Variants in OR5M8 observed in about 807,000 individuals in gnomAD.
OR5M8 encodes olfactory receptor 5M8.
For synonymous variants in OR5M8, 163 were observed against 141.5 expected (o/e 1.15, Z -1.08); for missense variants, 445 against 379.3 (o/e 1.17, Z -1.44).
chr11:56,490,502 C>T lies in OR5M8; in HGVS notation c.869G>A (p.Ser290Asn). 1 of 1,590,058 alleles carries T rather than the reference C, an allele frequency of 6.3e-7. No individual in the cohort carries two copies. Among genetic ancestry groups the T allele is most frequent in the Non-Finnish European group, 8.6e-7 (1 of 1,158,638 alleles). The stretch of plus-strand genomic sequence containing the variant: ...TTCTTTTACATTTTTATTTCTAAGG[C>T]TATAAATTATAAGGTTCAGCATAGG... ...VIPMLNLIIY[S>N]LRNKNVKEAL... The change falls in exon 1 of 1, where the codon AGC becomes AAC. Residue 290 changes from serine (S) to asparagine (N), a missense_variant. Ser to Asn is a conservative substitution (Grantham distance 46). Transcript: ENST00000327216.
Position 56,491,289 on chromosome 11 carries a change from T to A in OR5M8, c.82A>T (p.Thr28Ser). The A allele has an allele frequency of 1.2e-6, 2 of 1,613,878 alleles. No individual in the cohort carries two copies. Among genetic ancestry groups the A allele is most frequent in the Non-Finnish European group, 1.7e-6 (2 of 1,179,952 alleles). ...SRRELQILLF[T>S]LFLAIYMVTV... ...ACCATGTAAATGGCCAGAAACAGCG[T>A]GAAGAGGAGAATTTGTAATTCCCGG... Residue 28 changes from threonine to serine, a missense_variant, in exon 1 of 1, where the codon ACG (threonine) becomes TCG (serine). Thr to Ser is a moderately conservative substitution (Grantham distance 58). Transcript: ENST00000327216.
chr11:56,490,911 T>C lies in OR5M8; in HGVS notation c.460A>G (p.Thr154Ala). The C allele has an allele frequency of 6.2e-7, 1 of 1,613,948 alleles. No homozygotes were observed. The highest frequency in any genetic ancestry group is 8.5e-7 in the Non-Finnish European group (1 of 1,179,896). ...GTCCACATGGTCTCCATCAGGCCAG[T>C]GAGCGCTCCATACACATAAGGCACC... is the stretch of plus-strand genomic sequence containing the variant. ...ITVPYVYGALTGLMETMWTYN... is the reference protein window; with the variant it reads ...ITVPYVYGALAGLMETMWTYN... Residue 154 changes from threonine (T) to alanine (A), a missense_variant, in exon 1 of 1, where the codon ACT becomes GCT. By Grantham distance (58) the Thr-to-Ala change is moderately conservative. Transcript: ENST00000327216.
rs781444795 is a variant in OR5M8 at position 56,491,040 on chromosome 11, T to A, written c.331A>T (p.Ile111Phe). 2 of 1,614,102 alleles carry A rather than the reference T, an allele frequency of 1.2e-6. No individual in the cohort carries two copies. The highest frequency in any genetic ancestry group is 1.7e-6 in the Non-Finnish European group (2 of 1,179,994). The change falls in exon 1 of 1, where the codon ATC becomes TTC. Residue 111 changes from isoleucine (I) to phenylalanine (F), a missense_variant. By Grantham distance (21) the Ile-to-Phe change is conservative. Transcript: ENST00000327216. ...YLFIALVHVE[I>F]YILAVMAFDR... is the part of the protein sequence containing the mutation. ...AAGGCCATCACAGCCAGGATGTAGATCTCAACATGGACCAAGGCGATAAAA... is the reference window on the plus strand; with the variant it reads ...AAGGCCATCACAGCCAGGATGTAGAACTCAACATGGACCAAGGCGATAAAA...
chr11:56,490,924 C>A lies in OR5M8; in HGVS notation c.447G>T (p.Val149=), dbSNP rs200456446. The change falls in exon 1 of 1, where the codon GTG becomes GTT. Residue 149 remains valine, a synonymous_variant. Coordinates refer to ENST00000327216, the MANE Select transcript of OR5M8 (RefSeq NM_001005282.1). Reference sequence around the variant, plus strand: ...CCATCAGGCCAGTGAGCGCTCCATACACATAAGGCACCGTGATGAGGAAGG... The same window carrying A: ...CCATCAGGCCAGTGAGCGCTCCATAAACATAAGGCACCGTGATGAGGAAGG... ...VCSFLITVPY[V]YGALTGLMET... 1.2e-6 allele frequency: 2 copies of A among 1,613,936 alleles called. No homozygotes were observed. The highest frequency in any genetic ancestry group is 1.7e-6 in the Non-Finnish European group (2 of 1,179,882).
At position 56,490,444 on chromosome 11, in the gene OR5M8, G is replaced by T; in HGVS notation, c.927C>A (p.Tyr309Ter). 5.9e-6 allele frequency: 9 copies of T among 1,515,018 alleles called. No individual in the cohort carries two copies. Among genetic ancestry groups the T allele is most frequent in the Non-Finnish European group, 8.2e-6 (9 of 1,098,422 alleles). The allele number at this position is 1,515,018 out of a possible 1,614,324, so 93.8% of individuals were successfully genotyped here. A position where few individuals can be genotyped will look rare whatever the true frequency, so the allele number is the denominator to read the frequency against. The change falls in exon 1 of 1, where the codon TAC becomes TAA. Residue 309 changes from tyrosine to a stop codon, truncating the protein, a stop_gained. Coordinates refer to ENST00000327216, the MANE Select transcript of OR5M8 (RefSeq NM_001005282.1). LOFTEE classifies it high-confidence loss of function. Reference protein sequence around the residue: ...ALIKELSMKIYFS With the variant: ...ALIKELSMKI ...AAAAGAATACTGATTTTTAAGAAAA[G>T]TATATCTTCATTGACAGCTCTTTGA...
chr11:56,490,474 T>C lies in OR5M8; in HGVS notation c.897A>G (p.Ala299=). ...YSLRNKNVKE[A]LIKELSMKIY... ...TCTTCATTGACAGCTCTTTGATTAA[T>C]GCTTCTTTTACATTTTTATTTCTAA... Residue 299 remains alanine (A), a synonymous_variant, in exon 1 of 1, where the codon GCA becomes GCG. Transcript: ENST00000327216. 1 of 1,574,644 alleles carries C rather than the reference T, an allele frequency of 6.4e-7. No individual in the cohort carries two copies. The highest frequency in any genetic ancestry group is 1.1e-5 in the South Asian group (1 of 88,782).
In OR5M8 at chr11:56,490,841, T is replaced by C. The variant is rs1033002604; in HGVS notation, c.530A>G (p.Tyr177Cys). Reference protein sequence around the residue: ...FCGPNEINHFYCADPPLIKLA... With the variant: ...FCGPNEINHFCCADPPLIKLA... ...CTTAATCAGTGGTGGGTCCGCACAGTAGAAGTGATTAATTTCATTGGGGCC... is the reference window on the plus strand; with the variant it reads ...CTTAATCAGTGGTGGGTCCGCACAGCAGAAGTGATTAATTTCATTGGGGCC... The change falls in exon 1 of 1, where the codon TAC becomes TGC. Residue 177 changes from tyrosine to cysteine, a missense_variant. Physicochemically the swap from Tyr to Cys is radical, Grantham distance 194. Coordinates refer to ENST00000327216, the MANE Select transcript of OR5M8 (RefSeq NM_001005282.1). 2 of 1,614,000 alleles carry C rather than the reference T, an allele frequency of 1.2e-6. No homozygotes were observed. The highest frequency in any genetic ancestry group is 1.7e-6 in the Non-Finnish European group (2 of 1,179,946).
In OR5M8 at chr11:56,490,689, G is replaced by A. The variant is rs1315268340; in HGVS notation, c.682C>T (p.Arg228Cys). 16 of 1,614,092 alleles carry A rather than the reference G, an allele frequency of 9.9e-6. No homozygotes were observed. Among genetic ancestry groups the A allele is most frequent in the South Asian group, 2.2e-5 (2 of 91,082 alleles). ...LYIFPAILKI[R>C]STEGRQKAFS... ...GCTTTTTGCCTGCCCTCTGTAGAGC[G>A]AATCTTTAAAATAGCAGGGAAAATG... The change falls in exon 1 of 1, where the codon CGC (arginine) becomes TGC (cysteine). Residue 228 changes from arginine (R) to cysteine (C), a missense_variant. Physicochemically the swap from Arg to Cys is radical, Grantham distance 180. Coordinates refer to ENST00000327216, the MANE Select transcript of OR5M8 (RefSeq NM_001005282.1).
chr11:56,490,949 G>A lies in OR5M8; in HGVS notation c.422C>T (p.Ser141Phe), dbSNP rs138041004. Reference sequence around the variant, plus strand: ...CACATAAGGCACCGTGATGAGGAAGGAGCACACACTCTTGGACATTCTGCT... The same window carrying A: ...CACATAAGGCACCGTGATGAGGAAGAAGCACACACTCTTGGACATTCTGCT... ...YGSRMSKSVCSFLITVPYVYG... is the reference protein window; with the variant it reads ...YGSRMSKSVCFFLITVPYVYG... The change falls in exon 1 of 1, where the codon TCC (serine) becomes TTC (phenylalanine). Residue 141 changes from serine to phenylalanine, a missense_variant. Coordinates refer to ENST00000327216, the MANE Select transcript of OR5M8 (RefSeq NM_001005282.1). The A allele has an allele frequency of 3.7e-4, 604 of 1,613,994 alleles. 2 individuals carry two copies. The highest frequency in any genetic ancestry group is 3.3e-4 in the Non-Finnish European group (390 of 1,179,932).
chr11:56,491,055 A>G lies in OR5M8; in HGVS notation c.316T>C (p.Leu106=). The G allele has an allele frequency of 5.0e-6, 8 of 1,614,024 alleles. No individual in the cohort carries two copies. Among genetic ancestry groups the G allele is most frequent in the Non-Finnish European group, 6.8e-6 (8 of 1,179,992 alleles). The change falls in exon 1 of 1, where the codon TTG becomes CTG. Residue 106 remains leucine, a synonymous_variant. Transcript: ENST00000327216. ...CLVQCYLFIA[L]VHVEIYILAV... is the part of the protein sequence containing the mutation. Reference sequence around the variant, plus strand: ...AGGATGTAGATCTCAACATGGACCAAGGCGATAAAAAGGTAACACTGCACA... The same window carrying G: ...AGGATGTAGATCTCAACATGGACCAGGGCGATAAAAAGGTAACACTGCACA...
Position 56,490,564 on chromosome 11 carries a change from C to T in OR5M8, c.807G>A (p.Gln269=). 6.2e-7 allele frequency: 1 copy of T among 1,613,530 alleles called. No homozygotes were observed. Among genetic ancestry groups the T allele is most frequent in the Non-Finnish European group, 8.5e-7 (1 of 1,179,460 alleles). ...LRPPSKESVE[Q]GKMVAVFYTT... ...TATAAAATACAGCTACCATTTTACC[C>T]TGTTCAACAGATTCCTTTGAGGGGG... The change falls in exon 1 of 1, where the codon CAG becomes CAA. Residue 269 remains glutamine (Q), a synonymous_variant. Coordinates refer to ENST00000327216, the MANE Select transcript of OR5M8 (RefSeq NM_001005282.1).
At position 56,490,733 on chromosome 11, in the gene OR5M8, A is replaced by G; in HGVS notation, c.638T>C (p.Ile213Thr). 1 of 1,614,248 alleles carries G rather than the reference A, an allele frequency of 6.2e-7. No homozygotes were observed. The highest frequency in any genetic ancestry group is 8.5e-7 in the Non-Finnish European group (1 of 1,180,038). Residue 213 changes from isoleucine (I) to threonine (T), a missense_variant, in exon 1 of 1, where the codon ATA (isoleucine) becomes ACA (threonine). Physicochemically the swap from Ile to Thr is moderately conservative, Grantham distance 89 (BLOSUM62 -1). Transcript: ENST00000327216. The stretch of plus-strand genomic sequence containing the variant: ...GAAAATGTAAAGGTAGGAAATACAT[A>G]TGATGAAGAGAGAAAAAGAAAGGTT... ...GWNLSFSLFI[I>T]CISYLYIFPA... is the part of the protein sequence containing the mutation.
In OR5M8 at chr11:56,490,646, G is replaced by C. The variant is rs374178580; in HGVS notation, c.725C>G (p.Ser242Cys). 8 of 1,613,910 alleles carry C rather than the reference G, an allele frequency of 5.0e-6. No individual in the cohort carries two copies. Among genetic ancestry groups the C allele is most frequent in the Non-Finnish European group, 6.8e-6 (8 of 1,179,952 alleles). ...GRQKAFSTCG[S>C]HLTAVTIFYA... ...GAATATAGTGACAGCTGTCAGATGGGAGCCACAGGTAGAAAAAGCTTTTTG... is the reference window on the plus strand; with the variant it reads ...GAATATAGTGACAGCTGTCAGATGGCAGCCACAGGTAGAAAAAGCTTTTTG... Residue 242 changes from serine (S) to cysteine (C), a missense_variant, in exon 1 of 1, where the codon TCC becomes TGC. Ser to Cys is a moderately radical substitution (Grantham distance 112). Transcript: ENST00000327216.
rs1347401031 is a variant in OR5M8 at position 56,490,674 on chromosome 11, T to G, written c.697A>C (p.Arg233=). The change falls in exon 1 of 1, where the codon AGG becomes CGG. Residue 233 remains arginine (R), a synonymous_variant. Transcript: ENST00000327216. ...AILKIRSTEG[R]QKAFSTCGSH... ...CCACAGGTAGAAAAAGCTTTTTGCC[T>G]GCCCTCTGTAGAGCGAATCTTTAAA... The G allele has an allele frequency of 1.2e-6, 2 of 1,613,984 alleles. No individual in the cohort carries two copies. Among genetic ancestry groups the G allele is most frequent in the South Asian group, 2.2e-5 (2 of 91,070 alleles).
rs1412642208 is a variant in OR5M8, at chr11:56,491,068, G to T, written c.303C>A (p.Tyr101Ter). 1 of 1,614,108 alleles carries T rather than the reference G, an allele frequency of 6.2e-7. No homozygotes were observed. Among genetic ancestry groups the T allele is most frequent in the Non-Finnish European group, 8.5e-7 (1 of 1,180,044 alleles). ...ISYPACLVQC[Y>*]LFIALVHVEI... ...CAACATGGACCAAGGCGATAAAAAG[G>T]TAACACTGCACAAGACAGGCAGGAT... is the stretch of plus-strand genomic sequence containing the variant. Residue 101 changes from tyrosine (Y) to a stop codon, truncating the protein, a stop_gained, in exon 1 of 1, where the codon TAC (tyrosine) becomes TAA (stop). Transcript: ENST00000327216. LOFTEE classifies it low-confidence loss of function (END_TRUNC).
chr11:56,490,938 T>C lies in OR5M8; in HGVS notation c.433A>G (p.Thr145Ala). Residue 145 changes from threonine to alanine, a missense_variant, in exon 1 of 1, where the codon ACG becomes GCG. Coordinates refer to ENST00000327216, the MANE Select transcript of OR5M8 (RefSeq NM_001005282.1). ...MSKSVCSFLITVPYVYGALTG... is the reference protein window; with the variant it reads ...MSKSVCSFLIAVPYVYGALTG... ...AGCGCTCCATACACATAAGGCACCG[T>C]GATGAGGAAGGAGCACACACTCTTG... 6.2e-7 allele frequency: 1 copy of C among 1,613,802 alleles called. No individual in the cohort carries two copies. Among genetic ancestry groups the C allele is most frequent in the East Asian group, 2.2e-5 (1 of 44,864 alleles).
In OR5M8 at chr11:56,490,782, A is replaced by G. The variant is rs781602842; in HGVS notation, c.589T>C (p.Ser197Pro). ...TTCCAGCCAGCCACAATAAACATTG[A>G]CAACTCCTTGTTGTAGGTGTCAGAA... ...ACSDTYNKEL[S>P]MFIVAGWNLS... is the part of the protein sequence containing the mutation. The change falls in exon 1 of 1, where the codon TCA (serine) becomes CCA (proline). Residue 197 changes from serine to proline, a missense_variant. By Grantham distance (74) the Ser-to-Pro change is moderately conservative. Transcript: ENST00000327216. 36 of 1,614,208 alleles carry G rather than the reference A, an allele frequency of 2.2e-5. No homozygotes were observed. The highest frequency in any genetic ancestry group is 3.0e-5 in the Non-Finnish European group (35 of 1,180,028).
rs1853851438 is a variant in OR5M8, at chr11:56,491,281, A to G, written c.90T>C (p.Phe30=). The change falls in exon 1 of 1, where the codon TTT becomes TTC. Residue 30 remains phenylalanine (F), a synonymous_variant. Coordinates refer to ENST00000327216, the MANE Select transcript of OR5M8 (RefSeq NM_001005282.1). ...CCACCGTGACCATGTAAATGGCCAG[A>G]AACAGCGTGAAGAGGAGAATTTGTA... ...RELQILLFTL[F]LAIYMVTVAG... is the part of the protein sequence containing the mutation. 2.5e-6 allele frequency: 4 copies of G among 1,614,142 alleles called. No individual in the cohort carries two copies. Among genetic ancestry groups the G allele is most frequent in the Non-Finnish European group, 3.4e-6 (4 of 1,179,996 alleles).
Position 56,490,455 on chromosome 11 carries a change from T to C in OR5M8, c.916A>G (p.Met306Val), listed in dbSNP as rs1565152517. ...VKEALIKELS[M>V]KIYFS ...GATTTTTAAGAAAAGTATATCTTCA[T>C]TGACAGCTCTTTGATTAATGCTTCT... The change falls in exon 1 of 1, where the codon ATG (methionine) becomes GTG (valine). Residue 306 changes from methionine to valine, a missense_variant. Coordinates refer to ENST00000327216, the MANE Select transcript of OR5M8 (RefSeq NM_001005282.1). The C allele has an allele frequency of 1.3e-6, 2 of 1,548,484 alleles. No individual in the cohort carries two copies. The highest frequency in any genetic ancestry group is 8.9e-7 in the Non-Finnish European group (1 of 1,124,450).
Sources: gnomAD v4.1 joint callset for allele counts on GRCh38, gnomAD v4.1.1 for gene constraint, MANE v1.5 for transcripts, NCBI Gene and HGNC (gene_info 2026-07-23, HGNC 2026-07-21) for gene names.